Variants in ROBO2 observed in about 807,000 individuals in gnomAD.
The protein encoded by ROBO2 is roundabout guidance receptor 2.
ROBO2 carries 53 observed loss-of-function variants against 160.8 expected under a neutral mutation model. The observed-to-expected ratio is 0.33, with a 90% CI of 0.26 to 0.41. The LOEUF is 0.41. ROBO2 is among the 10% of genes least tolerant of loss of function. The pLI is 1.00. For synonymous variants in ROBO2, 664 were observed against 611.7 expected (o/e 1.09, Z -1.26); for missense variants, 1,577 against 1,722.4 (o/e 0.92, Z 1.49).
chr3:76,885,538 A>G (rs1210093147), intron 2 of ROBO2, among the ~76,000 whole-genome samples: 1 of 152,218 alleles, frequency 6.6e-6, no homozygotes, highest in African/African-American at 2.4e-5. Context: ...TACTGAAACT[A>G]TTCCAGGATG....
At chr3:77,561,645 G>T (rs1004527776) in intron 9 of ROBO2, among the ~76,000 whole-genome samples, 1 of 152,020 alleles carries the variant, frequency 6.6e-6, no homozygotes, top group Non-Finnish European at 1.5e-5. Context: ...GATCAAAAAA[G>T]AGTTATGAAT....
rs11330030 is a variant in ROBO2, at chr3:77,188,556, AG to A, written c.388+90217del. ...TGTGGCATTTTCATACTTATGTATG[AG>A]TCTTTCATTCGTTTAAGGCAGAAAA... On this transcript the variant is annotated intron_variant, in intron 2 of 25. Transcript: ENST00000461745. Among the ~76,000 whole-genome samples, 906 of 152,014 alleles carry A rather than the reference AG, an allele frequency of 6.0e-3. 7 individuals carry two copies. The highest frequency in any genetic ancestry group is 0.021 in the African/African-American group (864 of 41,544).
intron 1 of ROBO2, among the ~76,000 whole-genome samples, chr3:77,063,544 C>T (rs1196210303): frequency 6.6e-6 from 1 of 152,164 alleles, no homozygotes; most frequent in Admixed American, 6.5e-5. Flanking sequence ...AATCATGTAA[C>T]TCTTTCTTCC....
intron 19 of ROBO2, among the ~76,000 whole-genome samples, chr3:77,599,157 A>G (rs1289616176): frequency 6.6e-6 from 1 of 152,150 alleles, no homozygotes; most frequent in African/African-American, 2.4e-5. Context: ...TGTGATAGTC[A>G]TTTTAAGCAT....
At chr3:77,013,312 A>G (rs2062028751) in intron 2 of ROBO2, among the ~76,000 whole-genome samples, 1 of 152,166 alleles carries the variant, frequency 6.6e-6, no homozygotes, top group African/African-American at 2.4e-5. Flanking sequence ...GGTAATTTCT[A>G]TTAACTAAAT....
intron 2 of ROBO2, among the ~76,000 whole-genome samples, chr3:76,994,636 C>T (rs971299040): frequency 1.3e-5 from 2 of 152,070 alleles, no homozygotes; most frequent in Non-Finnish European, 2.9e-5. Context: ...GCATATTATG[C>T]TCCAGATAGT....
chr3:76,393,992 C>T (rs2077289031), intron 2 of ROBO2, among the ~76,000 whole-genome samples: 1 of 152,076 alleles, frequency 6.6e-6, no homozygotes, highest in Non-Finnish European at 1.5e-5. Flanking sequence ...GATCTTCCTC[C>T]ATCCTTTTAT....
At chr3:76,319,278 A>G (rs1229412094) in intron 2 of ROBO2, among the ~76,000 whole-genome samples, 1 of 152,168 alleles carries the variant, frequency 6.6e-6, no homozygotes, top group African/African-American at 2.4e-5. Context: ...AATGATATGC[A>G]GCTTCACACA....
intron 2 of ROBO2, among the ~76,000 whole-genome samples, chr3:76,745,799 T>TTTTA (rs199745180): frequency 0.01 from 1,501 of 143,226 alleles, 14 homozygotes; most frequent in African/African-American, 0.024. Flanking sequence ...AAAAATTTAT[T>TTTTA]TTTATTTATT....
rs115552237 is a variant in ROBO2, at chr3:76,704,443, G to A, written c.110-393571G>A. ...GTGGGTTATCGCTGGAGGACAAGGC[G>A]TCAACATAAATACCCAACTACTGTC... On this transcript the variant is annotated intron_variant, in intron 2 of 26. Coordinates refer to the ROBO2 transcript ENST00000487694. Among the ~76,000 whole-genome samples the A allele has an allele frequency of 9.9e-3, 1,509 of 152,174 alleles. 29 individuals carry two copies. Among genetic ancestry groups the A allele is most frequent in the African/African-American group, 0.032 (1,321 of 41,500 alleles).
chr3:76,967,803 C>T lies in ROBO2; in HGVS notation c.110-130211C>T, dbSNP rs150887213. 7.9e-5 allele frequency among the ~76,000 whole-genome samples: 12 copies of T among 152,244 alleles called. No homozygotes were observed. The East Asian group carries it at 9.7e-4, about 12-fold the overall frequency. On this transcript the variant is annotated intron_variant, in intron 2 of 26. Coordinates refer to the ROBO2 transcript ENST00000487694. ...CAAGTGATTCGCCTGCCTCAGCAAC[C>T]GAAAGTGTTAGGTTTATAGGCCTGA...
chr3:77,539,302 A>G (rs575192992), intron 6 of ROBO2, among the ~76,000 whole-genome samples: 19 of 152,208 alleles, frequency 1.2e-4, no homozygotes, highest in Non-Finnish European at 1.5e-4. Context: ...AATGTTGGCT[A>G]CTCATTTATA....
chr3:76,938,367 C>A (rs946782497), intron 2 of ROBO2, among the ~76,000 whole-genome samples: 196 of 145,716 alleles, frequency 1.3e-3, no homozygotes, highest in Non-Finnish European at 2.1e-3. Flanking sequence ...CTACCCCCCC[C>A]AAAAAAGGCT....
chr3:76,587,547 A>C (rs1028767795), intron 2 of ROBO2, among the ~76,000 whole-genome samples: 2 of 152,094 alleles, frequency 1.3e-5, no homozygotes, highest in African/African-American at 4.8e-5. Context: ...AAACAGTCAG[A>C]TCTCCTGAGA....
intron 2 of ROBO2, among the ~76,000 whole-genome samples, chr3:76,511,188 G>A (rs926785801): frequency 1.3e-5 from 2 of 152,074 alleles, no homozygotes; most frequent in Non-Finnish European, 1.5e-5. Context: ...ACAGATAACT[G>A]TGCTGGCCTG....
chr3:77,142,269 T>C (rs1353515034), intron 2 of ROBO2, among the ~76,000 whole-genome samples: 2 of 149,736 alleles, frequency 1.3e-5, no homozygotes, highest in African/African-American at 4.8e-5. Context: ...CTTAATATTC[T>C]TCTGTATTTG....
At chr3:75,954,209 T>A (rs1168585932) in intron 2 of ROBO2, among the ~76,000 whole-genome samples, 1 of 151,878 alleles carries the variant, frequency 6.6e-6, no homozygotes, top group Non-Finnish European at 1.5e-5. Flanking sequence ...TTCTCTGTAT[T>A]TGTTCCATTT....
At chr3:77,240,008 T>G (rs928152484) in intron 2 of ROBO2, among the ~76,000 whole-genome samples, 1 of 152,194 alleles carries the variant, frequency 6.6e-6, no homozygotes, top group Non-Finnish European at 1.5e-5. Context: ...CCCACCTGAC[T>G]CAGGAGCCCA....
rs139527329 is a variant in ROBO2 at position 76,146,697 on chromosome 3, G to GGTGTGTGTGT, written c.109+209116_109+209125dup. On this transcript the variant is annotated intron_variant, in intron 2 of 26. Transcript: ENST00000487694. ...CACTTAAAAGCATGGGATTACATAGGGTGTGTGTGTGTGTGTGTGTGTGTG... is the reference window on the plus strand; with the variant it reads ...CACTTAAAAGCATGGGATTACATAGGGTGTGTGTGTGTGTGTGTGTGTGTGTGTGTGTGTG... Among the ~76,000 whole-genome samples the GGTGTGTGTGT allele has an allele frequency of 9.5e-3, 1,291 of 136,496 alleles. 30 individuals are homozygous for GGTGTGTGTGT. The highest frequency in any genetic ancestry group is 0.032 in the African/African-American group (1,211 of 37,360). The allele number at this position is 136,496 out of a possible 152,430, so 89.5% of individuals were successfully genotyped here.
Sources: gnomAD v4.1 joint callset for allele counts (sites outside exome capture counted in the v4.1 genomes callset) on GRCh38, gnomAD v4.1.1 for gene constraint, MANE v1.5 for transcripts, NCBI Gene and HGNC (gene_info 2026-07-23, HGNC 2026-07-21) for gene names.